Variants in GPR158 observed in about 807,000 individuals in gnomAD.
GPR158 encodes G protein-coupled receptor 158.
A neutral mutation model predicts 78.2 loss-of-function variants in GPR158; 30 were observed. That is an observed-to-expected ratio of 0.38 (90% confidence interval 0.29 to 0.52). GPR158 has a LOEUF of 0.52. Ranked by LOEUF, GPR158 falls within the 20% of genes least tolerant of loss-of-function variation. GPR158 has a pLI of 0.83. For missense variants in GPR158, 1,463 were observed against 1,523.5 expected, an observed-to-expected ratio of 0.96 and a Z score of 0.66; for synonymous variants, 581 against 591.1, an observed-to-expected ratio of 0.98 and a Z score of 0.25.
chr10:25,417,456 A>G (rs1338555605), intron 4 of GPR158, among the ~76,000 whole-genome samples: 3 of 152,184 alleles, frequency 2.0e-5, no homozygotes, highest in African/African-American at 7.2e-5. Flanking sequence ...AATCATCCTC[A>G]GAACCATTCT....
intron 2 of GPR158, among the ~76,000 whole-genome samples, chr10:25,253,497 C>G (rs956383961): frequency 3.9e-5 from 6 of 152,102 alleles, no homozygotes; most frequent in African/African-American, 1.4e-4. Context: ...AACTGAGAGT[C>G]CACCTTTGAC....
At chr10:25,210,406 T>C (rs1283798716) in intron 1 of GPR158, among the ~76,000 whole-genome samples, 1 of 152,162 alleles carries the variant, frequency 6.6e-6, no homozygotes, top group Non-Finnish European at 1.5e-5. Flanking sequence ...TTCTGAGTCA[T>C]AGGGAGGGGT....
chr10:25,438,752 G>A (rs1773655), intron 4 of GPR158, among the ~76,000 whole-genome samples: 104,724 of 152,116 alleles, frequency 0.69, 36,962 homozygotes, highest in Non-Finnish European at 0.78. Flanking sequence ...CAGTCCTGTC[G>A]TAGGAACTCA....
At position 25,599,480 on chromosome 10, in the gene GPR158, T is replaced by A; in HGVS notation, c.*206T>A. On this transcript the variant is annotated 3_prime_UTR_variant, in exon 11 of 11. Coordinates refer to ENST00000376351, the MANE Select transcript of GPR158 (RefSeq NM_020752.3). ...AGAAGTCAGACTTTGGTCAAGAAAG[T>A]CCTTCCCTTGGTAACACTAGGAAAA... 1 of 553,144 alleles carries A rather than the reference T, an allele frequency of 1.8e-6. No homozygotes were observed. Among genetic ancestry groups the A allele is most frequent in the East Asian group, 3.0e-5 (1 of 33,632 alleles). The allele number at this position is 553,144 out of a possible 1,614,324, so 34.3% of individuals were successfully genotyped here.
At chr10:25,334,951 TAAAG>T (rs1855177018) in intron 2 of GPR158, among the ~76,000 whole-genome samples, 1 of 152,040 alleles carries the variant, frequency 6.6e-6, no homozygotes, top group African/African-American at 2.4e-5. Context: ...AATGTGATGC[TAAAG>T]AAAGGTCAGG....
At chr10:25,322,280 C>G (rs986275629) in intron 2 of GPR158, among the ~76,000 whole-genome samples, 2 of 151,856 alleles carry the variant, frequency 1.3e-5, no homozygotes, top group East Asian at 3.9e-4. Context: ...ACTCGGGAGA[C>G]TGAGGCAGGA....
chr10:25,361,193 T>G (rs1024948846), intron 2 of GPR158, among the ~76,000 whole-genome samples: 2 of 152,006 alleles, frequency 1.3e-5, no homozygotes, highest in Non-Finnish European at 2.9e-5. Flanking sequence ...GGTATTTGGC[T>G]TTTTGTGAGT....
chr10:25,285,835 C>T (rs1435152001), intron 2 of GPR158, among the ~76,000 whole-genome samples: 1 of 152,196 alleles, frequency 6.6e-6, no homozygotes, highest in African/African-American at 2.4e-5. Context: ...AAAAAATTCT[C>T]CTTTGGTTGC....
chr10:25,326,827 T>C (rs1370728114), intron 2 of GPR158, among the ~76,000 whole-genome samples: 5 of 152,206 alleles, frequency 3.3e-5, no homozygotes, highest in Non-Finnish European at 7.4e-5. Context: ...TATACATATA[T>C]CAAAACATCA....
intron 1 of GPR158, among the ~76,000 whole-genome samples, chr10:25,194,208 G>T (rs936309762): frequency 6.6e-6 from 1 of 152,144 alleles, no homozygotes; most frequent in Non-Finnish European, 1.5e-5. Flanking sequence ...GCTGCTGAAA[G>T]AACTGCCAGT....
At chr10:25,377,050 T>C (rs1834090067) in intron 2 of GPR158, among the ~76,000 whole-genome samples, 1 of 151,844 alleles carries the variant, frequency 6.6e-6, no homozygotes, top group Admixed American at 6.6e-5. Context: ...GGGTTTGTAG[T>C]GCCTCTTCAA....
At chr10:25,270,518 T>C (rs2130742415) in intron 2 of GPR158, among the ~76,000 whole-genome samples, 1 of 152,220 alleles carries the variant, frequency 6.6e-6, no homozygotes, top group Non-Finnish European at 1.5e-5. Context: ...CTGTCTACTT[T>C]TGGCTGTCCC....
intron 2 of GPR158, among the ~76,000 whole-genome samples, chr10:25,351,146 A>G (rs1449112819): frequency 1.3e-5 from 2 of 151,870 alleles, no homozygotes; most frequent in African/African-American, 4.8e-5. Context: ...CTCTATAAAC[A>G]TATAAACTCT....
chr10:25,519,393 T>C lies in GPR158; in HGVS notation c.1405-31583T>C, dbSNP rs1264501088. ...TTTACATTTAAAGTTAATATTGTTA[T>C]GTGTGAATTTGATCCTGTCATTATG... On this transcript the variant is annotated intron_variant, in intron 5 of 10. Coordinates refer to ENST00000376351, the MANE Select transcript of GPR158 (RefSeq NM_020752.3). 2.2e-5 allele frequency among the ~76,000 whole-genome samples: 3 copies of C among 135,048 alleles called. No individual in the cohort carries two copies. The South Asian group carries it at 7.3e-4, about 33-fold the overall frequency. 88.6% of individuals were successfully genotyped at this position (135,048 alleles called of 152,430 possible).
intron 4 of GPR158, among the ~76,000 whole-genome samples, chr10:25,431,359 G>A (rs368166215): frequency 2.1e-4 from 32 of 148,996 alleles, no homozygotes; most frequent in African/African-American, 6.2e-4. Flanking sequence ...TCAGGAAACA[G>A]CAGGTGCTGG....
rs150073481 is a variant in GPR158 at position 25,198,819 on chromosome 10, A to G, written c.903-22233A>G. On this transcript the variant is annotated intron_variant, in intron 1 of 10. Coordinates refer to ENST00000376351, the MANE Select transcript of GPR158 (RefSeq NM_020752.3). The stretch of plus-strand genomic sequence containing the variant: ...AGTATGTTTGGTTGTCGGATGGTCT[A>G]TGATTAGTATTAATATAACTAACAA... Among the ~76,000 whole-genome samples, 205 of 152,200 alleles carry G rather than the reference A, an allele frequency of 1.3e-3. 6 individuals are homozygous for G. The East Asian group carries it at 0.038, about 29-fold the overall frequency.
In GPR158 at chr10:25,598,571, AC is replaced by A. The variant is rs974932436; in HGVS notation, c.2949del (p.Thr984ProfsTer7). On this transcript the variant is annotated frameshift_variant, in exon 11 of 11. Coordinates refer to ENST00000376351, the MANE Select transcript of GPR158 (RefSeq NM_020752.3). LOFTEE classifies it low-confidence loss of function (END_TRUNC). ...GGGATTATGAAACAACAAAGGGTCA[AC>A]CCCACCACTGCCAATTCTGACCTGA... ...KSGIMKQQRV[N>X]PTTANSDLNP... 1.9e-6 allele frequency: 3 copies of A among 1,613,778 alleles called. No homozygotes were observed. The African/African-American group carries it at 4.0e-5, about 22-fold the overall frequency.
chr10:25,421,851 T>A (rs1204280888), intron 4 of GPR158, among the ~76,000 whole-genome samples: 2 of 152,206 alleles, frequency 1.3e-5, no homozygotes, highest in Non-Finnish European at 2.9e-5. Flanking sequence ...CAATTTTCAA[T>A]AAGAGCAACC....
intron 2 of GPR158, among the ~76,000 whole-genome samples, chr10:25,369,923 C>T (rs1482847987): frequency 6.6e-6 from 1 of 151,056 alleles, no homozygotes; most frequent in Non-Finnish European, 1.5e-5. Flanking sequence ...GGAATTTATC[C>T]ATTTCTTCTA....
Sources: gnomAD v4.1 joint callset for allele counts (sites outside exome capture counted in the v4.1 genomes callset) on GRCh38, gnomAD v4.1.1 for gene constraint, MANE v1.5 for transcripts, NCBI Gene and HGNC (gene_info 2026-07-23, HGNC 2026-07-21) for gene names.